PHACTR1: variants seen among roughly 807,000 people sequenced by gnomAD.
PHACTR1 encodes RPEL repeat containing 1.
In PHACTR1, 16 loss-of-function variants were observed where a neutral mutation model predicts 69.2. That is an observed-to-expected ratio of 0.23 (90% CI 0.16 to 0.35). The LOEUF is 0.35. Ranked by LOEUF, PHACTR1 falls within the 10% of genes least tolerant of loss-of-function variation. The pLI is 1.00. For missense variants in PHACTR1, 510 were observed against 734.7 expected, an observed-to-expected ratio of 0.69 and a Z score of 3.54; for synonymous variants, 312 against 284.5, an observed-to-expected ratio of 1.10 and a Z score of -0.97.
chr6:12,997,877 C>G (rs1214456883), intron 4 of PHACTR1, among the ~76,000 whole-genome samples: 2 of 151,968 alleles, frequency 1.3e-5, no homozygotes, highest in Non-Finnish European at 1.5e-5. Context: ...GGTGTGAACC[C>G]GGGAGGCAGA....
chr6:13,074,475 T>A (rs543964313), intron 5 of PHACTR1, among the ~76,000 whole-genome samples: 144 of 152,230 alleles, frequency 9.5e-4, no homozygotes, highest in African/African-American at 3.3e-3. Context: ...ATAATCAAAA[T>A]TTTAGATGCA....
chr6:13,096,567 A>G (rs1239187623), intron 5 of PHACTR1, among the ~76,000 whole-genome samples: 1 of 152,200 alleles, frequency 6.6e-6, no homozygotes, highest in Admixed American at 6.5e-5. Context: ...GAGGCTGTGG[A>G]CACTTGAAAA....
intron 5 of PHACTR1, among the ~76,000 whole-genome samples, chr6:13,093,840 A>G (rs1813685753): frequency 6.6e-6 from 1 of 152,180 alleles, no homozygotes; most frequent in Non-Finnish European, 1.5e-5. Flanking sequence ...TCTGATTTCG[A>G]AGAGCCAGTC....
chr6:12,950,723 A>G (rs753986741), intron 4 of PHACTR1, among the ~76,000 whole-genome samples: 2 of 152,186 alleles, frequency 1.3e-5, no homozygotes, highest in Non-Finnish European at 2.9e-5. Flanking sequence ...GCTCTGCCCT[A>G]GGCCCCTGAC....
intron 4 of PHACTR1, among the ~76,000 whole-genome samples, chr6:12,772,244 G>C (rs1769482173): frequency 6.6e-6 from 1 of 152,164 alleles, no homozygotes; most frequent in Non-Finnish European, 1.5e-5. Context: ...TGTTTTCTAA[G>C]GTTCTGGGCA....
At chr6:12,856,380 A>G (rs1780369141) in intron 4 of PHACTR1, among the ~76,000 whole-genome samples, 1 of 151,354 alleles carries the variant, frequency 6.6e-6, no homozygotes, top group Non-Finnish European at 1.5e-5. Context: ...CAGCCTCCCA[A>G]GTAGCTGGGA....
intron 4 of PHACTR1, among the ~76,000 whole-genome samples, chr6:12,891,208 T>C (rs1487891244): frequency 6.6e-6 from 1 of 152,210 alleles, no homozygotes; most frequent in African/African-American, 2.4e-5. Context: ...CCATTTTTAA[T>C]ATGATCATGT....
At chr6:12,730,053 G>T (rs567131805) in intron 3 of PHACTR1, among the ~76,000 whole-genome samples, 112 of 152,252 alleles carry the variant, frequency 7.4e-4, no homozygotes, top group African/African-American at 2.4e-3. Context: ...AGATCCTATG[G>T]AACAGCCAAG....
rs190786208 is a variant in PHACTR1 at position 13,258,312 on chromosome 6, G to A, written c.1392-14548G>A. 2.3e-3 allele frequency among the ~76,000 whole-genome samples: 352 copies of A among 150,362 alleles called. 1 individual carries two copies. Among genetic ancestry groups the A allele is most frequent in the African/African-American group, 8.0e-3 (328 of 41,014 alleles). On this transcript the variant is annotated intron_variant, in intron 10 of 14. Transcript: ENST00000332995. ...GGAGGTTGTAGTGAGCTGAGATCGC[G>A]CCACTGCACTCCAGCCTCGGCGACA...
At chr6:12,806,647 G>C (rs1365249000) in intron 4 of PHACTR1, among the ~76,000 whole-genome samples, 2 of 151,926 alleles carry the variant, frequency 1.3e-5, no homozygotes, top group Middle Eastern at 3.4e-3. Context: ...TTTTTTTTTA[G>C]AGAGTATAAC....
At chr6:12,925,240 T>C (rs1190665667) in intron 4 of PHACTR1, among the ~76,000 whole-genome samples, 1 of 150,630 alleles carries the variant, frequency 6.6e-6, no homozygotes, top group Non-Finnish European at 1.5e-5. Context: ...TCAACTGACT[T>C]GTTGATTCAA....
At chr6:13,173,546 G>A (rs1385580920) in intron 6 of PHACTR1, among the ~76,000 whole-genome samples, 1 of 152,130 alleles carries the variant, frequency 6.6e-6, no homozygotes, top group Non-Finnish European at 1.5e-5. Flanking sequence ...ATCCATCGAG[G>A]AAATCCTTAG....
At chr6:13,144,543 C>T (rs1822998924) in intron 5 of PHACTR1, among the ~76,000 whole-genome samples, 1 of 152,080 alleles carries the variant, frequency 6.6e-6, no homozygotes, top group South Asian at 2.1e-4. Flanking sequence ...TCTCAAGATT[C>T]AGTGTAATTC....
Position 13,007,380 on chromosome 6 carries a change from T to G in PHACTR1, c.251-45985T>G, listed in dbSNP as rs181685026. Among the ~76,000 whole-genome samples the G allele has an allele frequency of 1.7e-3, 264 of 152,326 alleles. 2 individuals are homozygous for G. Among genetic ancestry groups the G allele is most frequent in the African/African-American group, 6.0e-3 (248 of 41,578 alleles). ...AGTTTGGAGCAAAATGTAAAGAAAC[T>G]GAATACTTTGGAACAACTAGAAGTC... is the stretch of plus-strand genomic sequence containing the variant. On this transcript the variant is annotated intron_variant, in intron 4 of 14. Transcript: ENST00000332995.
intron 4 of PHACTR1, among the ~76,000 whole-genome samples, chr6:12,929,672 T>C (rs1788658486): frequency 6.6e-6 from 1 of 152,190 alleles, no homozygotes; most frequent in Non-Finnish European, 1.5e-5. Flanking sequence ...CTCACCTCTT[T>C]TGAGGACTGT....
rs560874065 is a variant in PHACTR1 at position 13,012,537 on chromosome 6, G to T, written c.251-40828G>T. Among the ~76,000 whole-genome samples the T allele has an allele frequency of 3.9e-5, 6 of 152,302 alleles. No individual in the cohort carries two copies. In the South Asian group the frequency reaches 1.2e-3, roughly 32 times the overall value. The stretch of plus-strand genomic sequence containing the variant: ...GTAGGGTGGAAAGAACACAGGCTTG[G>T]GAGCAGGTACACCTGGCTGTAAACA... On this transcript the variant is annotated intron_variant, in intron 4 of 14. Transcript: ENST00000332995.
chr6:13,195,779 A>AAAAAACAG (rs201554952), intron 7 of PHACTR1, among the ~76,000 whole-genome samples: 1 of 118,556 alleles, frequency 8.4e-6, no homozygotes, highest in Admixed American at 9.5e-5. Flanking sequence ...AAAAAAAAAA[A>AAAAAACAG]AGTTCATTTG....
chr6:12,869,338 G>A lies in PHACTR1; in HGVS notation c.250+119548G>A, dbSNP rs114083970. On this transcript the variant is annotated intron_variant, in intron 4 of 14. Transcript: ENST00000332995. ...AATCCAGTCCTGTCTCACACTCCAT[G>A]CACCTCTACCTAAGAGTCCAGCCCT... 4.8e-3 allele frequency among the ~76,000 whole-genome samples: 727 copies of A among 152,180 alleles called. 2 individuals are homozygous for A. Among genetic ancestry groups the A allele is most frequent in the African/African-American group, 0.017 (695 of 41,494 alleles).
At chr6:13,171,841 A>G (rs1348226341) in intron 6 of PHACTR1, among the ~76,000 whole-genome samples, 2 of 152,040 alleles carry the variant, frequency 1.3e-5, no homozygotes, top group African/African-American at 4.8e-5. Flanking sequence ...ATCTCGGCTC[A>G]CTGCAACCTC....
Sources: allele counts gnomAD v4.1 joint callset (sites outside exome capture counted in the v4.1 genomes callset), GRCh38; gene constraint gnomAD v4.1.1; transcripts MANE v1.5; gene names NCBI Gene and HGNC (gene_info 2026-07-23, HGNC 2026-07-21).